Variants in GRAMD1B observed in about 807,000 individuals in gnomAD.
GRAMD1B encodes the protein GRAM domain containing 1B.
GRAMD1B carries 37 observed loss-of-function variants against 99.7 expected under a neutral mutation model. The observed-to-expected ratio is 0.37, with a 90% CI of 0.29 to 0.49. The LOEUF is 0.49. GRAMD1B is among the 20% of genes least tolerant of loss of function. The pLI, the probability that GRAMD1B is intolerant of heterozygous loss-of-function variation, is 0.98. For synonymous variants in GRAMD1B, 427 were observed against 387.6 expected (o/e 1.10, Z -1.19); for missense variants, 888 against 1,009.2 (o/e 0.88, Z 1.63).
chr11:123,594,126 G>T lies in GRAMD1B; in HGVS notation c.729G>T (p.Lys243Asn). ...AGCAGAGAAATGAAGACTTCAGAAAGCTCTTTAAGCAGCTTCCAGACACGG... is the reference window on the plus strand; with the variant it reads ...AGCAGAGAAATGAAGACTTCAGAAATCTCTTTAAGCAGCTTCCAGACACGG... ...TYKQRNEDFR[K>N]LFKQLPDTER... Residue 243 changes from lysine to asparagine, a missense_variant, in exon 5 of 20, where the codon AAG becomes AAT. Physicochemically the swap from Lys to Asn is moderately conservative, Grantham distance 94. Coordinates refer to ENST00000635736, the MANE Select transcript of GRAMD1B (RefSeq NM_001387025.1). 6.2e-7 allele frequency: 1 copy of T among 1,613,602 alleles called. No individual in the cohort carries two copies. The highest frequency in any genetic ancestry group is 8.5e-7 in the Non-Finnish European group (1 of 1,179,528).
chr11:123,560,071 C>CA (rs1555072915), intron 2 of GRAMD1B, among the ~76,000 whole-genome samples: 4 of 150,498 alleles, frequency 2.7e-5, no homozygotes, highest in East Asian at 1.9e-4. Flanking sequence ...AATAACCCCC[C>CA]CCCCCGCAGC....
rs574835306 is a variant in GRAMD1B, at chr11:123,488,221, C to T, written c.452+7328C>T. Among the ~76,000 whole-genome samples, 14 of 152,300 alleles carry T rather than the reference C, an allele frequency of 9.2e-5. No homozygotes were observed. The South Asian group carries it at 2.9e-3, about 32-fold the overall frequency. On this transcript the variant is annotated intron_variant, in intron 2 of 19. Transcript: ENST00000635736. ...GGCCCCACCTCTTAATACCATTGCA[C>T]TGGAGGTTAGGATTTCAACATATAC...
At chr11:123,585,329 C>T (rs1448669836) in intron 4 of GRAMD1B, among the ~76,000 whole-genome samples, 1 of 152,132 alleles carries the variant, frequency 6.6e-6, no homozygotes, top group Non-Finnish European at 1.5e-5. Flanking sequence ...ATTGTGTGGG[C>T]TGTGTGTGTT....
chr11:123,594,695 T>C (rs776611607), intron 5 of GRAMD1B, 40 bp from the exon 6 acceptor site: 1 of 1,070,836 alleles, frequency 9.3e-7, no homozygotes, highest in Non-Finnish European at 1.5e-6. Context: ...CCGAAAATGC[T>C]TCCTGCCTCT....
intron 1 of GRAMD1B, among the ~76,000 whole-genome samples, chr11:123,374,580 G>A (rs1288033356): frequency 6.6e-6 from 1 of 152,214 alleles, no homozygotes; most frequent in Non-Finnish European, 1.5e-5. Context: ...GACCCTACAG[G>A]CATTATAGCC....
rs183441966 is a variant in GRAMD1B, at chr11:123,442,033, C to A, written c.374+10867C>A. Among the ~76,000 whole-genome samples the A allele has an allele frequency of 1.7e-3, 257 of 152,274 alleles. 1 individual carries two copies. Among genetic ancestry groups the A allele is most frequent in the Non-Finnish European group, 2.6e-3 (174 of 68,024 alleles). On this transcript the variant is annotated intron_variant, in intron 1 of 19. Coordinates refer to ENST00000635736, the MANE Select transcript of GRAMD1B (RefSeq NM_001387025.1). ...AGATCAAACTGTTTTTTCTTTCTCA[C>A]AGTCAACACAGAACATTTCTGTGAC...
rs113260526 is a variant in GRAMD1B, at chr11:123,500,731, G to A, written c.452+19838G>A. On this transcript the variant is annotated intron_variant, in intron 2 of 19. Transcript: ENST00000635736. ...TTTGTCACCCAGGCTGGAGTGCAGTGGCGCGATCGCGGCTTACTGCAACCT... is the reference window on the plus strand; with the variant it reads ...TTTGTCACCCAGGCTGGAGTGCAGTAGCGCGATCGCGGCTTACTGCAACCT... Among the ~76,000 whole-genome samples the A allele has an allele frequency of 5.3e-3, 804 of 152,122 alleles. 15 individuals are homozygous for A. The highest frequency in any genetic ancestry group is 0.019 in the African/African-American group (773 of 41,510).
intron 1 of GRAMD1B, among the ~76,000 whole-genome samples, chr11:123,397,820 G>A: frequency 6.6e-6 from 1 of 152,152 alleles, no homozygotes; most frequent in East Asian, 1.9e-4. Flanking sequence ...AGAATTTCAT[G>A]TATAAGTACA....
chr11:123,491,246 C>T (rs1218532481), intron 2 of GRAMD1B, among the ~76,000 whole-genome samples: 1 of 152,180 alleles, frequency 6.6e-6, no homozygotes, highest in Non-Finnish European at 1.5e-5. Context: ...TCAGGTCTAG[C>T]CACTGGGATA....
chr11:123,519,052 A>G (rs991173813), intron 2 of GRAMD1B, among the ~76,000 whole-genome samples: 12 of 152,074 alleles, frequency 7.9e-5, no homozygotes, highest in African/African-American at 2.9e-4. Flanking sequence ...CAAGCCTGCC[A>G]CCCTTTGCTA....
intron 1 of GRAMD1B, among the ~76,000 whole-genome samples, chr11:123,366,710 G>A (rs769071302): frequency 3.3e-5 from 5 of 152,206 alleles, no homozygotes; most frequent in East Asian, 1.9e-4. Context: ...AAAGAAGTGC[G>A]TTGATGGATT....
At chr11:123,451,890 G>C (rs988904934) in intron 1 of GRAMD1B, among the ~76,000 whole-genome samples, 2 of 152,158 alleles carry the variant, frequency 1.3e-5, no homozygotes, top group Non-Finnish European at 2.9e-5. Flanking sequence ...CTGGAGTACA[G>C]TGGCATGATC....
At chr11:123,583,215 CGT>C (rs1430762715) in intron 3 of GRAMD1B, among the ~76,000 whole-genome samples, 4 of 146,014 alleles carry the variant, frequency 2.7e-5, no homozygotes, top group African/African-American at 1.0e-4. Context: ...TGTATTCGTG[CGT>C]GTGTGGTGTG....
chr11:123,454,072 A>C (rs1950006420), intron 1 of GRAMD1B, among the ~76,000 whole-genome samples: 1 of 152,224 alleles, frequency 6.6e-6, no homozygotes, highest in African/African-American at 2.4e-5. Context: ...CCTGGTAATA[A>C]TTTCAATCCT....
chr11:123,485,420 T>C (rs145796422), intron 2 of GRAMD1B, among the ~76,000 whole-genome samples: 3 of 152,312 alleles, frequency 2.0e-5, no homozygotes, highest in African/African-American at 7.2e-5. Flanking sequence ...CTTAATACGG[T>C]GTTCAAACCT....
chr11:123,574,590 A>G (rs1787982627), intron 2 of GRAMD1B, among the ~76,000 whole-genome samples: 1 of 152,108 alleles, frequency 6.6e-6, no homozygotes, highest in Non-Finnish European at 1.5e-5. Context: ...AGTGAGATGG[A>G]AGAGAGGGGT....
rs185585167 is a variant in GRAMD1B, at chr11:123,605,772, G to C, written c.1323+294G>C. Among the ~76,000 whole-genome samples the C allele has an allele frequency of 9.2e-5, 14 of 152,322 alleles. No homozygotes were observed. The East Asian group carries it at 1.5e-3, about 17-fold the overall frequency. On this transcript the variant is annotated intron_variant, in intron 10 of 19. Transcript: ENST00000635736. ...CTGCTGCTGATCAGCCCTTCTGGTA[G>C]AGAACAATTCCAGGTATTTTTTCAC...
intron 2 of GRAMD1B, among the ~76,000 whole-genome samples, chr11:123,540,268 C>T (rs987273947): frequency 1.7e-4 from 26 of 150,996 alleles, no homozygotes; most frequent in Admixed American, 1.5e-3. Context: ...TTTGTATAGA[C>T]GGAATTTCAC....
chr11:123,520,488 TA>T (rs1397012988), intron 2 of GRAMD1B, among the ~76,000 whole-genome samples: 103 of 151,932 alleles, frequency 6.8e-4, no homozygotes, highest in Non-Finnish European at 1.3e-4. Context: ...AAATAATATA[TA>T]GGGGGGCGCG....
Sources: allele counts gnomAD v4.1 joint callset (sites outside exome capture counted in the v4.1 genomes callset), GRCh38; gene constraint gnomAD v4.1.1; transcripts MANE v1.5; gene names NCBI Gene and HGNC (gene_info 2026-07-23, HGNC 2026-07-21).